The following ZNF385B variants were observed in gnomAD, a reference collection of about 807,000 sequenced individuals.
ZNF385B encodes the protein zinc finger protein 533.
ZNF385B carries 23 observed loss-of-function variants against 39.2 expected under a neutral mutation model. The ratio of observed to expected loss-of-function variants is 0.59; its 90% confidence interval spans 0.42 to 0.83. ZNF385B has a LOEUF of 0.83. Ranked by LOEUF, ZNF385B falls within the 40% of genes least tolerant of loss-of-function variation. The pLI, the probability that ZNF385B is intolerant of heterozygous loss-of-function variation, is 0.00. For synonymous variants in ZNF385B, 205 were observed against 222.6 expected, an observed-to-expected ratio of 0.92 and a Z score of 0.70; for missense variants, 552 against 598.9, an observed-to-expected ratio of 0.92 and a Z score of 0.82.
intron 1 of ZNF385B, among the ~76,000 whole-genome samples, chr2:179,783,772 T>G (rs759960633): frequency 1.3e-5 from 2 of 152,056 alleles, no homozygotes; most frequent in Non-Finnish European, 2.9e-5. Context: ...CAAAATGAGA[T>G]ACCATCTTAC....
chr2:179,445,004 A>G, intron 8 of ZNF385B, 27 bp from the exon 9 acceptor site: 1 of 1,584,786 alleles, frequency 6.3e-7, no homozygotes, highest in Non-Finnish European at 8.7e-7. Flanking sequence ...CATTAGCTGG[A>G]CTGAAATGTG....
chr2:179,827,372 A>G (rs1423568778), intron 1 of ZNF385B, among the ~76,000 whole-genome samples: 6 of 152,170 alleles, frequency 3.9e-5, no homozygotes, highest in African/African-American at 1.4e-4. Context: ...GTAAGCAATA[A>G]GTCACAAAAG....
intron 1 of ZNF385B, among the ~76,000 whole-genome samples, chr2:179,828,360 C>CAG (rs1707792237): frequency 6.6e-6 from 1 of 152,162 alleles, no homozygotes; most frequent in Non-Finnish European, 1.5e-5. Context: ...AAATGCTAAT[C>CAG]ATTAAATTGC....
intron 4 of ZNF385B, among the ~76,000 whole-genome samples, chr2:179,528,471 A>G (rs192283352): frequency 5.3e-5 from 8 of 152,218 alleles, no homozygotes; most frequent in African/African-American, 1.9e-4. Flanking sequence ...ATAAATACAT[A>G]TGTTGTCTAA....
At chr2:179,853,723 C>A (rs1007276843) in intron 1 of ZNF385B, among the ~76,000 whole-genome samples, 1 of 152,036 alleles carries the variant, frequency 6.6e-6, no homozygotes. Flanking sequence ...ATGGTAGGTG[C>A]CAAGAACTTT....
chr2:179,507,559 A>G (rs2057342850), intron 5 of ZNF385B, among the ~76,000 whole-genome samples: 1 of 152,176 alleles, frequency 6.6e-6, no homozygotes, highest in Non-Finnish European at 1.5e-5. Context: ...CTAAATTTAT[A>G]ATTAAATTTA....
At chr2:179,698,383 T>C (rs1177459168) in intron 3 of ZNF385B, among the ~76,000 whole-genome samples, 1 of 152,210 alleles carries the variant, frequency 6.6e-6, no homozygotes, top group African/African-American at 2.4e-5. Flanking sequence ...ATAACCATAA[T>C]TATACTGAAG....
chr2:179,609,362 T>C (rs567033600), intron 3 of ZNF385B, among the ~76,000 whole-genome samples: 2 of 152,292 alleles, frequency 1.3e-5, no homozygotes, highest in South Asian at 4.1e-4. Context: ...TCACTTAATG[T>C]CCTCCAGCTC....
intron 1 of ZNF385B, among the ~76,000 whole-genome samples, chr2:179,813,062 TA>T (rs928676955): frequency 1.3e-5 from 2 of 152,174 alleles, no homozygotes; most frequent in Admixed American, 6.5e-5. Context: ...TAGTCACATT[TA>T]AAAATATTTA....
intron 3 of ZNF385B, among the ~76,000 whole-genome samples, chr2:179,662,126 G>A (rs1456218824): frequency 6.6e-6 from 1 of 152,140 alleles, no homozygotes; most frequent in Non-Finnish European, 1.5e-5. Flanking sequence ...GTTTCAGATT[G>A]TCTTGCAAAG....
chr2:179,620,501 T>C (rs1014159867), intron 3 of ZNF385B, among the ~76,000 whole-genome samples: 25 of 152,054 alleles, frequency 1.6e-4, no homozygotes, highest in African/African-American at 5.3e-4. Context: ...GAGAATAACC[T>C]ATGGAGGCCA....
At chr2:179,710,827 C>A (rs1179150912) in intron 3 of ZNF385B, among the ~76,000 whole-genome samples, 2 of 152,176 alleles carry the variant, frequency 1.3e-5, no homozygotes, top group Non-Finnish European at 2.9e-5. Flanking sequence ...AGAGAGCTGC[C>A]ACTCTCTTCC....
Position 179,690,108 on chromosome 2 carries a change from C to G in ZNF385B, c.298+79395G>C, listed in dbSNP as rs1698242177. Among the ~76,000 whole-genome samples, 4 of 152,068 alleles carry G rather than the reference C, an allele frequency of 2.6e-5. No homozygotes were observed. In the South Asian group the frequency reaches 8.3e-4, roughly 32 times the overall value. On this transcript the variant is annotated intron_variant, in intron 3 of 9. Coordinates refer to ENST00000410066, the MANE Select transcript of ZNF385B (RefSeq NM_152520.6). The stretch of plus-strand genomic sequence containing the variant: ...TCTTCAATTACTCTATTTGAATATA[C>G]CATCTGTTGCTTGCCCAGGCACCAG...
rs142011775 is a variant in ZNF385B, at chr2:179,796,019, T to C, written c.-154-25347A>G. Among the ~76,000 whole-genome samples the C allele has an allele frequency of 4.2e-3, 638 of 152,282 alleles. 1 individual carries two copies. Among genetic ancestry groups the C allele is most frequent in the African/African-American group, 0.014 (579 of 41,552 alleles). Reference sequence around the variant, plus strand: ...AAACAGAAACTATGGAGGGTTTAACTTGACTATGCTTGCTTGGGGTATAGA... The same window carrying C: ...AAACAGAAACTATGGAGGGTTTAACCTGACTATGCTTGCTTGGGGTATAGA... On this transcript the variant is annotated intron_variant, in intron 1 of 9. Coordinates refer to ENST00000410066, the MANE Select transcript of ZNF385B (RefSeq NM_152520.6).
chr2:179,452,105 A>G (rs2105594571), intron 6 of ZNF385B, among the ~76,000 whole-genome samples: 1 of 152,278 alleles, frequency 6.6e-6, no homozygotes, highest in South Asian at 2.1e-4. Context: ...TTGCTTAGCT[A>G]CATCAGAATT....
chr2:179,811,502 C>T (rs1706730201), intron 1 of ZNF385B, among the ~76,000 whole-genome samples: 1 of 152,086 alleles, frequency 6.6e-6, no homozygotes, highest in African/African-American at 2.4e-5. Context: ...AGCTCCACAC[C>T]TACAGCCTTT....
chr2:179,558,131 G>A (rs915007685), intron 3 of ZNF385B, among the ~76,000 whole-genome samples: 4 of 152,020 alleles, frequency 2.6e-5, no homozygotes, highest in African/African-American at 9.7e-5. Context: ...TCAAGTAATG[G>A]CAACTGACCT....
At chr2:179,702,588 T>C (rs1699291117) in intron 3 of ZNF385B, among the ~76,000 whole-genome samples, 2 of 152,176 alleles carry the variant, frequency 1.3e-5, no homozygotes, top group South Asian at 4.1e-4. Context: ...TAGATTTGGG[T>C]ATTGTATGTG....
intron 1 of ZNF385B, among the ~76,000 whole-genome samples, chr2:179,815,371 T>C (rs1706998802): frequency 6.6e-6 from 1 of 152,136 alleles, no homozygotes; most frequent in Admixed American, 6.5e-5. Flanking sequence ...TCACTTTTAT[T>C]ACCTAAGTCA....
Sources: gnomAD v4.1 joint callset for allele counts (sites outside exome capture counted in the v4.1 genomes callset) on GRCh38, gnomAD v4.1.1 for gene constraint, MANE v1.5 for transcripts, NCBI Gene and HGNC (gene_info 2026-07-23, HGNC 2026-07-21) for gene names.